APBB2: variants seen among roughly 807,000 people sequenced by gnomAD.
APBB2 encodes the protein Fe65-like 1.
In APBB2, 38 loss-of-function variants were observed where a neutral mutation model predicts 82.5. The ratio of observed to expected loss-of-function variants is 0.46; its 90% confidence interval spans 0.36 to 0.60. APBB2 has a LOEUF of 0.60. Among genes scored for constraint, APBB2 ranks in the 20% least tolerant of loss-of-function variants. APBB2 has a pLI of 0.00. For synonymous variants in APBB2, 341 were observed against 368.2 expected (o/e 0.93, Z 0.85); for missense variants, 772 against 972.3 (o/e 0.79, Z 2.74).
chr4:40,965,692 AT>A (rs1326672834), intron 6 of APBB2, among the ~76,000 whole-genome samples: 2 of 152,226 alleles, frequency 1.3e-5, no homozygotes, highest in African/African-American at 4.8e-5. Context: ...GCTATTAAAT[AT>A]TTAACATTAG....
At chr4:41,214,194 C>G (rs895575487) in intron 1 of APBB2, among the ~76,000 whole-genome samples, 12 of 152,162 alleles carry the variant, frequency 7.9e-5, no homozygotes, top group African/African-American at 2.9e-4. Flanking sequence ...GCAGGCGCCC[C>G]GCTGCAGATG....
At chr4:40,954,806 G>A (rs1282887813) in intron 6 of APBB2, among the ~76,000 whole-genome samples, 1 of 152,140 alleles carries the variant, frequency 6.6e-6, no homozygotes, top group Non-Finnish European at 1.5e-5. Flanking sequence ...TGGGATTATA[G>A]GCACACACCA....
chr4:40,919,815 A>G (rs1234331346), intron 10 of APBB2, among the ~76,000 whole-genome samples: 1 of 152,218 alleles, frequency 6.6e-6, no homozygotes, highest in Non-Finnish European at 1.5e-5. Flanking sequence ...TCGCAGCAAC[A>G]CTGTGAGGTT....
chr4:41,009,100 C>T (rs1318864416), intron 6 of APBB2, among the ~76,000 whole-genome samples: 2 of 152,070 alleles, frequency 1.3e-5, no homozygotes, highest in African/African-American at 4.8e-5. Context: ...ATCTTTTCAA[C>T]GTTTTCATAA....
chr4:40,904,944 C>T (rs34962804), intron 10 of APBB2, among the ~76,000 whole-genome samples: 19,063 of 152,148 alleles, frequency 0.13, 1,397 homozygotes, highest in Middle Eastern at 0.19. Context: ...CTACAATACA[C>T]TGAGCACTCA....
chr4:40,996,270 C>T (rs143142636), intron 6 of APBB2, among the ~76,000 whole-genome samples: 67 of 152,254 alleles, frequency 4.4e-4, no homozygotes, highest in African/African-American at 1.0e-3. Flanking sequence ...TGAGGAAAAA[C>T]GAAGACTGGT....
At chr4:41,136,286 T>C (rs1276413445) in intron 2 of APBB2, among the ~76,000 whole-genome samples, 1 of 152,098 alleles carries the variant, frequency 6.6e-6, no homozygotes, top group Non-Finnish European at 1.5e-5. Flanking sequence ...AGTCATTCTG[T>C]GAATAGGTCA....
intron 6 of APBB2, among the ~76,000 whole-genome samples, chr4:40,945,964 G>A (rs374666855): frequency 1.3e-5 from 2 of 152,146 alleles, no homozygotes; most frequent in East Asian, 1.9e-4. Flanking sequence ...CGGGCGTGGT[G>A]GTTCACACCT....
rs1553875174 is a variant in APBB2, at chr4:40,946,254, A to AAAAAAAAAAAAAAAAAAAAAC, written c.836-1182_836-1181insGTTTTTTTTTTTTTTTTTTTT. Among the ~76,000 whole-genome samples, 155 of 114,570 alleles carry AAAAAAAAAAAAAAAAAAAAAC rather than the reference A, an allele frequency of 1.4e-3. 19 individuals are homozygous for AAAAAAAAAAAAAAAAAAAAAC. The highest frequency in any genetic ancestry group is 9.6e-3 in the Middle Eastern group (2 of 208). The allele number at this position is 114,570 out of a possible 152,430, so 75.2% of individuals were successfully genotyped here. A position where few individuals can be genotyped will look rare whatever the true frequency, so the allele number is the denominator to read the frequency against. ...CTCCAAAAAAAAAAAAAAAAAAAAA[A>AAAAAAAAAAAAAAAAAAAAAC]CATTCCCAAGGAAAGCAGATTGGAA... On this transcript the variant is annotated intron_variant, in intron 6 of 17. Coordinates refer to ENST00000508593, the MANE Select transcript of APBB2 (RefSeq NM_004307.2).
At chr4:41,144,942 A>G (rs545666293) in intron 1 of APBB2, among the ~76,000 whole-genome samples, 1 of 152,318 alleles carries the variant, frequency 6.6e-6, no homozygotes, top group Non-Finnish European at 1.5e-5. Flanking sequence ...CAACAAAGAG[A>G]GGCCTTGTCT....
intron 2 of APBB2, among the ~76,000 whole-genome samples, chr4:41,131,073 T>G (rs1755834408): frequency 1.3e-5 from 2 of 152,224 alleles, no homozygotes; most frequent in Non-Finnish European, 2.9e-5. Flanking sequence ...TTTTAATTTT[T>G]TAATGTGTTT....
At chr4:41,097,725 CAA>C (rs1232076563) in intron 3 of APBB2, among the ~76,000 whole-genome samples, 1 of 152,044 alleles carries the variant, frequency 6.6e-6, no homozygotes, top group Non-Finnish European at 1.5e-5. Context: ...ATTATAGACT[CAA>C]GTTTCCAAAA....
At chr4:40,838,594 C>T (rs1357902389) in intron 12 of APBB2, among the ~76,000 whole-genome samples, 1 of 152,132 alleles carries the variant, frequency 6.6e-6, no homozygotes, top group Admixed American at 6.5e-5. Flanking sequence ...CTCGGCCTCT[C>T]AAAGTGCTGG....
At chr4:40,870,492 C>T (rs923896536) in intron 12 of APBB2, among the ~76,000 whole-genome samples, 2 of 152,156 alleles carry the variant, frequency 1.3e-5, no homozygotes, top group African/African-American at 2.4e-5. Flanking sequence ...GGAAGCCAAC[C>T]GGTGTGCCTC....
chr4:40,888,475 TATGTA>T (rs1239342495), intron 12 of APBB2, among the ~76,000 whole-genome samples: 1 of 151,850 alleles, frequency 6.6e-6, no homozygotes, highest in African/African-American at 2.4e-5. Context: ...CTCGCACACG[TATGTA>T]ATGTAACAAG....
At chr4:40,941,886 C>A (rs1348087273) in intron 7 of APBB2, among the ~76,000 whole-genome samples, 1 of 152,130 alleles carries the variant, frequency 6.6e-6, no homozygotes, top group Non-Finnish European at 1.5e-5. Flanking sequence ...ATTCTCCTGC[C>A]TAGGCCTCCC....
intron 12 of APBB2, among the ~76,000 whole-genome samples, chr4:40,888,350 G>C (rs1770929032): frequency 6.6e-6 from 1 of 152,244 alleles, no homozygotes; most frequent in Admixed American, 6.5e-5. Context: ...TAAAGAGTTA[G>C]GGTAAGCTGA....
chr4:40,916,008 ACT>A (rs547132503), intron 10 of APBB2, among the ~76,000 whole-genome samples: 1 of 152,132 alleles, frequency 6.6e-6, no homozygotes, highest in East Asian at 1.9e-4. Flanking sequence ...ACTGCCCAAC[ACT>A]CAGGGAAATG....
At chr4:40,908,495 G>A (rs1436580317) in intron 10 of APBB2, among the ~76,000 whole-genome samples, 2 of 152,070 alleles carry the variant, frequency 1.3e-5, no homozygotes, top group South Asian at 2.1e-4. Flanking sequence ...GAGGGAGGCC[G>A]GCATCCCCAG....
Sources: allele counts gnomAD v4.1 joint callset (sites outside exome capture counted in the v4.1 genomes callset), GRCh38; gene constraint gnomAD v4.1.1; transcripts MANE v1.5; gene names NCBI Gene and HGNC (gene_info 2026-07-23, HGNC 2026-07-21).